Variants in EFCAB11 observed in about 807,000 individuals in gnomAD.
EFCAB11 encodes the protein EF-hand calcium-binding domain-containing protein 11.
EFCAB11 carries 14 observed loss-of-function variants against 23.0 expected under a neutral mutation model. The ratio of observed to expected loss-of-function variants is 0.61; its 90% CI spans 0.40 to 0.95. The LOEUF is 0.95. EFCAB11 is among the 40% of genes least tolerant of loss of function. The pLI is 0.00. For synonymous variants in EFCAB11, 65 were observed against 66.6 expected (o/e 0.98, Z 0.11); for missense variants, 198 against 195.8 (o/e 1.01, Z -0.07).
At chr14:89,803,313 T>G (rs1383452030) in intron 5 of EFCAB11, among the ~76,000 whole-genome samples, 1 of 152,210 alleles carries the variant, frequency 6.6e-6, no homozygotes, top group African/African-American at 2.4e-5. Flanking sequence ...CAGATGATTG[T>G]CCCAACACTC....
chr14:89,862,283 C>T (rs1215958886), intron 5 of EFCAB11, among the ~76,000 whole-genome samples: 1 of 152,120 alleles, frequency 6.6e-6, no homozygotes. Flanking sequence ...ATTTCTTAAA[C>T]AGTAATAATA....
intron 3 of EFCAB11, among the ~76,000 whole-genome samples, chr14:89,935,182 T>C (rs1890535914): frequency 6.6e-6 from 1 of 152,090 alleles, no homozygotes; most frequent in African/African-American, 2.4e-5. Context: ...TAGAAGTGAT[T>C]AGGATCTACG....
intron 5 of EFCAB11, among the ~76,000 whole-genome samples, chr14:89,835,647 A>C (rs1365046086): frequency 8.6e-5 from 7 of 81,222 alleles, no homozygotes; most frequent in African/African-American, 2.6e-4. Context: ...TGTGTGTTTG[A>C]GACGTTGTCT....
chr14:89,954,722 T>G lies in EFCAB11; in HGVS notation c.-62A>C, dbSNP rs768623618. ...GCTACCACCGCTTTCCCAGCCTGGC[T>G]GGCAGCCTACCGCGGCCACGCCCAC... On this transcript the variant is annotated 5_prime_UTR_variant, in exon 1 of 6. Transcript: ENST00000316738. 1.7e-4 allele frequency: 261 copies of G among 1,570,282 alleles called. No homozygotes were observed. The highest frequency in any genetic ancestry group is 2.1e-4 in the Non-Finnish European group (249 of 1,161,538).
chr14:89,889,211 C>T (rs1888887078), intron 5 of EFCAB11, among the ~76,000 whole-genome samples: 1 of 152,036 alleles, frequency 6.6e-6, no homozygotes, highest in Non-Finnish European at 1.5e-5. Context: ...ATTTTAATCA[C>T]CATTTTAAGG....
At chr14:89,945,300 A>C (rs1019390516) in intron 3 of EFCAB11, among the ~76,000 whole-genome samples, 1 of 152,128 alleles carries the variant, frequency 6.6e-6, no homozygotes, top group African/African-American at 2.4e-5. Flanking sequence ...GTAGAAGATA[A>C]TTAAAGGTAG....
rs974983278 is a variant in EFCAB11, at chr14:89,880,673, A to G, written c.410+50868T>C. Among the ~76,000 whole-genome samples the G allele has an allele frequency of 2.0e-5, 3 of 152,358 alleles. No homozygotes were observed. In the South Asian group the frequency reaches 6.2e-4, roughly 32 times the overall value. ...CACAGAAAAAAAATGATAAAAACACACCAGCTGTGTCAGTCTATAAGCTCT... is the reference window on the plus strand; with the variant it reads ...CACAGAAAAAAAATGATAAAAACACGCCAGCTGTGTCAGTCTATAAGCTCT... On this transcript the variant is annotated intron_variant, in intron 5 of 5. Transcript: ENST00000316738.
intron 5 of EFCAB11, chr14:89,892,048 T>A: frequency 6.5e-7 from 1 of 1,539,010 alleles, no homozygotes; most frequent in South Asian, 1.2e-5. Context: ...TTTACCGGAA[T>A]GTGGTGGGTG....
chr14:89,892,032 G>A, intron 5 of EFCAB11: 1 of 1,538,610 alleles, frequency 6.5e-7, no homozygotes, highest in Non-Finnish European at 8.8e-7. Context: ...TGCATCACCG[G>A]GTCCTTTTAC....
At chr14:89,821,352 T>C (rs1413588672) in intron 5 of EFCAB11, among the ~76,000 whole-genome samples, 1 of 152,214 alleles carries the variant, frequency 6.6e-6, no homozygotes, top group Non-Finnish European at 1.5e-5. Context: ...CTATGAACTC[T>C]GGACTTGCCA....
intron 3 of EFCAB11, among the ~76,000 whole-genome samples, chr14:89,942,613 C>T (rs1346214369): frequency 6.6e-6 from 1 of 152,226 alleles, no homozygotes; most frequent in Non-Finnish European, 1.5e-5. Flanking sequence ...CCAACCTCAA[C>T]TGTGATCTGC....
chr14:89,953,300 G>T (rs1284351950), intron 2 of EFCAB11, among the ~76,000 whole-genome samples: 1 of 151,978 alleles, frequency 6.6e-6, no homozygotes, highest in Non-Finnish European at 1.5e-5. Context: ...AGTGGTGTGT[G>T]CTTTTAGGTT....
chr14:89,911,379 G>T (rs957556517), intron 5 of EFCAB11, among the ~76,000 whole-genome samples: 1 of 152,146 alleles, frequency 6.6e-6, no homozygotes, highest in Non-Finnish European at 1.5e-5. Flanking sequence ...GACAAGGGGG[G>T]TTTGGGGGTG....
chr14:89,935,358 AT>A (rs1425692523), intron 3 of EFCAB11, among the ~76,000 whole-genome samples: 2 of 146,304 alleles, frequency 1.4e-5, no homozygotes, highest in Non-Finnish European at 3.0e-5. Flanking sequence ...ACAAGATGTT[AT>A]TTCTAGTTTT....
At chr14:89,810,707 G>A (rs1215758991) in intron 5 of EFCAB11, among the ~76,000 whole-genome samples, 8 of 145,844 alleles carry the variant, frequency 5.5e-5, no homozygotes, top group Admixed American at 3.5e-4. Context: ...AGTGAGCTGA[G>A]ATTGCGCCAC....
At chr14:89,833,721 G>C (rs1356827872) in intron 5 of EFCAB11, among the ~76,000 whole-genome samples, 1 of 152,138 alleles carries the variant, frequency 6.6e-6, no homozygotes, top group Non-Finnish European at 1.5e-5. Flanking sequence ...TTTTGAAAAT[G>C]TTCTTTTCAA....
At chr14:89,880,569 T>G (rs1413504742) in intron 5 of EFCAB11, among the ~76,000 whole-genome samples, 2 of 152,232 alleles carry the variant, frequency 1.3e-5, no homozygotes, top group Non-Finnish European at 2.9e-5. Context: ...CCGTTTTTCT[T>G]TTCTTTTGAA....
At chr14:89,826,852 A>G (rs1886707142) in intron 5 of EFCAB11, among the ~76,000 whole-genome samples, 1 of 152,086 alleles carries the variant, frequency 6.6e-6, no homozygotes, top group Non-Finnish European at 1.5e-5. Context: ...ACAATCAACC[A>G]CAGGGGATAG....
intron 1 of EFCAB11, 112 bp from the exon 2 acceptor site, chr14:89,954,113 T>A: frequency 1.0e-6 from 1 of 956,742 alleles, no homozygotes; most frequent in Non-Finnish European, 1.5e-6. Context: ...AGCGGTAGAG[T>A]ATGAAAATAG....
Sources: gnomAD v4.1 joint callset for allele counts (sites outside exome capture counted in the v4.1 genomes callset) on GRCh38, gnomAD v4.1.1 for gene constraint, MANE v1.5 for transcripts, NCBI Gene and HGNC (gene_info 2026-07-23, HGNC 2026-07-21) for gene names.